The following MAP3K20 variants were observed in gnomAD, a reference collection of about 807,000 sequenced individuals.
The protein encoded by MAP3K20 is HCCS-4.
A neutral mutation model predicts 85.7 loss-of-function variants in MAP3K20; 40 were observed. That is an observed-to-expected ratio of 0.47 (90% CI 0.36 to 0.61). The LOEUF is 0.61. Ranked by LOEUF, MAP3K20 falls within the 20% of genes least tolerant of loss-of-function variation. The probability of loss-of-function intolerance (pLI) is 0.00; values close to 1 mark genes in which losing one functional copy is unlikely to be tolerated. For missense variants in MAP3K20, 817 were observed against 961.7 expected (o/e 0.85, Z 1.99); for synonymous variants, 325 against 327.7 (o/e 0.99, Z 0.09).
intron 11 of MAP3K20, 120 bp downstream of exon 11, chr2:173,217,370 G>T (rs748105124): frequency 4.0e-6 from 5 of 1,260,852 alleles, no homozygotes; most frequent in Non-Finnish European, 5.1e-6. Flanking sequence ...CCTGCCTCGC[G>T]CCCGTGTATT....
intron 9 of MAP3K20, among the ~76,000 whole-genome samples, chr2:173,204,096 T>C (rs1234215235): frequency 6.6e-6 from 1 of 152,216 alleles, no homozygotes; most frequent in African/African-American, 2.4e-5. Context: ...ACATTCTGAA[T>C]TCAGTATAAA....
chr2:173,189,950 G>A (rs556578700), intron 5 of MAP3K20, among the ~76,000 whole-genome samples: 17 of 152,228 alleles, frequency 1.1e-4, no homozygotes, highest in Non-Finnish European at 1.6e-4. Context: ...GCCAAGTGAT[G>A]CCCTTGCCTC....
At chr2:173,243,691 C>A (rs1302488945) in intron 16 of MAP3K20, among the ~76,000 whole-genome samples, 3 of 152,218 alleles carry the variant, frequency 2.0e-5, no homozygotes, top group African/African-American at 7.2e-5. Context: ...TATCTCGGCT[C>A]ACTGCAAGCT....
At chr2:173,202,571 G>A (rs1691105376) in intron 8 of MAP3K20, among the ~76,000 whole-genome samples, 1 of 152,064 alleles carries the variant, frequency 6.6e-6, no homozygotes, top group South Asian at 2.1e-4. Flanking sequence ...AAATTCAAAG[G>A]TAACACAACT....
chr2:173,132,710 A>G (rs1688653159), intron 2 of MAP3K20, among the ~76,000 whole-genome samples: 1 of 152,212 alleles, frequency 6.6e-6, no homozygotes, highest in African/African-American at 2.4e-5. Flanking sequence ...GCAGGCTCAG[A>G]AGTGGTTGTT....
rs546604045 is a variant in MAP3K20 at position 173,233,964 on chromosome 2, A to T, written c.1203+1505A>T. Among the ~76,000 whole-genome samples, 9 of 152,322 alleles carry T rather than the reference A, an allele frequency of 5.9e-5. No individual in the cohort carries two copies. The South Asian group carries it at 1.9e-3, about 32-fold the overall frequency. ...AACTCATGCATAGCGTATTTCCCAA[A>T]GGCTGGCAAAGAATGTAATCCCAGC... On this transcript the variant is annotated intron_variant, in intron 14 of 19. Transcript: ENST00000375213.
chr2:173,117,437 C>T (rs1688157296), intron 2 of MAP3K20, among the ~76,000 whole-genome samples: 1 of 152,070 alleles, frequency 6.6e-6, no homozygotes, highest in African/African-American at 2.4e-5. Flanking sequence ...CACCATCACG[C>T]CTGGCTAATT....
chr2:173,111,763 A>G (rs1190587976), intron 2 of MAP3K20, among the ~76,000 whole-genome samples: 1 of 152,150 alleles, frequency 6.6e-6, no homozygotes, highest in Non-Finnish European at 1.5e-5. Flanking sequence ...TGGGTCCTCT[A>G]TTCTGTTCCA....
intron 2 of MAP3K20, among the ~76,000 whole-genome samples, chr2:173,097,274 T>C (rs905837116): frequency 2.0e-5 from 3 of 152,114 alleles, no homozygotes; most frequent in African/African-American, 7.2e-5. Context: ...GAGAATTGCT[T>C]GAACCCGGGA....
intron 2 of MAP3K20, among the ~76,000 whole-genome samples, chr2:173,128,237 G>GA (rs1472225171): frequency 6.6e-6 from 1 of 152,046 alleles, no homozygotes; most frequent in Non-Finnish European, 1.5e-5. Flanking sequence ...CAGTTTCCAA[G>GA]AAATGACATT....
At chr2:173,170,574 C>T (rs75681708) in intron 3 of MAP3K20, among the ~76,000 whole-genome samples, 8 of 152,070 alleles carry the variant, frequency 5.3e-5, no homozygotes, top group East Asian at 3.9e-4. Context: ...TTTATCTTGG[C>T]AAATCTTTGA....
At chr2:173,088,140 G>A (rs1223327705) in intron 1 of MAP3K20, among the ~76,000 whole-genome samples, 1 of 152,166 alleles carries the variant, frequency 6.6e-6, no homozygotes, top group Non-Finnish European at 1.5e-5. Flanking sequence ...GATTAATGGG[G>A]GGAATGTGTT....
chr2:173,238,486 C>CACCTTT (rs1375158785), intron 15 of MAP3K20, 51 bp downstream of exon 15: 7 of 1,500,974 alleles, frequency 4.7e-6, no homozygotes, highest in Non-Finnish European at 6.4e-6. Context: ...TTGACACATG[C>CACCTTT]ACCTGCTGCA....
intron 2 of MAP3K20, among the ~76,000 whole-genome samples, chr2:173,161,554 A>G (rs1689658898): frequency 6.6e-6 from 1 of 152,218 alleles, no homozygotes. Flanking sequence ...TATATAGGGT[A>G]TCTGACTTTT....
chr2:173,253,978 G>T (rs1490753500), intron 16 of MAP3K20, among the ~76,000 whole-genome samples: 1 of 151,750 alleles, frequency 6.6e-6, no homozygotes, highest in South Asian at 2.1e-4. Context: ...GGCTGATGTG[G>T]GAAGATCGCT....
chr2:173,085,825 TTGCTCTG>T (rs1281121635), intron 1 of MAP3K20, among the ~76,000 whole-genome samples: 1 of 113,948 alleles, frequency 8.8e-6, no homozygotes, highest in Non-Finnish European at 1.7e-5. Context: ...AGATAGAGCC[TTGCTCTG>T]TTGTCCAGGC....
chr2:173,079,981 T>C (rs2106133299), intron 1 of MAP3K20, among the ~76,000 whole-genome samples: 1 of 152,314 alleles, frequency 6.6e-6, no homozygotes, highest in East Asian at 1.9e-4. Flanking sequence ...TCATTATCCT[T>C]ATCAAGCATT....
chr2:173,105,823 GTAA>G (rs1687769813), intron 2 of MAP3K20, among the ~76,000 whole-genome samples: 1 of 152,166 alleles, frequency 6.6e-6, no homozygotes, highest in Non-Finnish European at 1.5e-5. Context: ...AAAAATTCTG[GTAA>G]TGAATAATGA....
At chr2:173,151,304 AC>A (rs1363329532) in intron 2 of MAP3K20, among the ~76,000 whole-genome samples, 1 of 152,186 alleles carries the variant, frequency 6.6e-6, no homozygotes, top group Non-Finnish European at 1.5e-5. Context: ...TCTAAGAAGC[AC>A]CCATGCCTGA....
Sources: allele counts gnomAD v4.1 joint callset (sites outside exome capture counted in the v4.1 genomes callset), GRCh38; gene constraint gnomAD v4.1.1; transcripts MANE v1.5; gene names NCBI Gene and HGNC (gene_info 2026-07-23, HGNC 2026-07-21).